Variants in TRHDE observed in about 807,000 individuals in gnomAD.
TRHDE encodes thyrotropin releasing hormone degrading enzyme.
In TRHDE, 72 loss-of-function variants were observed where a neutral mutation model predicts 125.7. That is an observed-to-expected ratio of 0.57 (90% CI 0.47 to 0.70). The LOEUF (loss-of-function observed/expected upper bound fraction) is 0.70, where lower values mean the gene tolerates loss of function less well. TRHDE is among the 30% of genes least tolerant of loss of function. TRHDE has a pLI of 0.00. For missense variants in TRHDE, 1,110 were observed against 1,327.1 expected, an observed-to-expected ratio of 0.84 and a Z score of 2.54; for synonymous variants, 509 against 509.1, an observed-to-expected ratio of 1.00 and a Z score of 0.00.
chr12:72,139,650 G>C (rs1284829778), intron 2 of TRHDE, among the ~76,000 whole-genome samples: 1 of 152,158 alleles, frequency 6.6e-6, no homozygotes. Context: ...TCTGTACTTT[G>C]CGCCAAGTAA....
chr12:72,568,498 T>C, intron 9 of TRHDE, 70 bp from the exon 10 acceptor site: 3 of 1,109,308 alleles, frequency 2.7e-6, no homozygotes, highest in Non-Finnish European at 4.0e-6. Context: ...AGAAGGCGCA[T>C]GGGAAATGTT....
intron 13 of TRHDE, among the ~76,000 whole-genome samples, chr12:72,620,170 A>G (rs1215898019): frequency 6.6e-6 from 1 of 151,948 alleles, no homozygotes; most frequent in Non-Finnish European, 1.5e-5. Flanking sequence ...ATATTTTTGA[A>G]TATATTTGTA....
chr12:72,097,624 AT>A (rs1225872742), intron 1 of TRHDE, among the ~76,000 whole-genome samples: 2 of 151,460 alleles, frequency 1.3e-5, no homozygotes, highest in African/African-American at 4.9e-5. Context: ...TAATGTTTTG[AT>A]TTTTTTGTAG....
At chr12:72,216,486 A>T (rs1877894491) in intron 2 of TRHDE, among the ~76,000 whole-genome samples, 1 of 152,192 alleles carries the variant, frequency 6.6e-6, no homozygotes, top group Non-Finnish European at 1.5e-5. Flanking sequence ...TGCCTTCATT[A>T]GGGGCCTCTT....
chr12:72,649,319 G>A (rs1163206568), intron 15 of TRHDE, among the ~76,000 whole-genome samples: 1 of 151,800 alleles, frequency 6.6e-6, no homozygotes, highest in African/African-American at 2.4e-5. Context: ...TCAACAAATT[G>A]TGCTGGGAAA....
chr12:72,332,150 T>G (rs1034823675), intron 2 of TRHDE, among the ~76,000 whole-genome samples: 1 of 151,952 alleles, frequency 6.6e-6, no homozygotes, highest in African/African-American at 2.4e-5. Context: ...CAAACTCTTT[T>G]TTTTTTGAGA....
intron 2 of TRHDE, among the ~76,000 whole-genome samples, chr12:72,249,507 T>A (rs1462473622): frequency 6.6e-6 from 1 of 152,084 alleles, no homozygotes. Context: ...GGAAATATAG[T>A]GAGAACTCTC....
At chr12:72,190,886 C>G (rs1270880486) in intron 2 of TRHDE, among the ~76,000 whole-genome samples, 1 of 152,132 alleles carries the variant, frequency 6.6e-6, no homozygotes, top group Non-Finnish European at 1.5e-5. Context: ...ATTTGGAAGC[C>G]ACCTTAATGG....
At chr12:72,512,657 A>G (rs1878659328) in intron 6 of TRHDE, among the ~76,000 whole-genome samples, 1 of 144,198 alleles carries the variant, frequency 6.9e-6, no homozygotes, top group South Asian at 2.1e-4. Flanking sequence ...CATATATAAT[A>G]TATAATATAA....
intron 2 of TRHDE, among the ~76,000 whole-genome samples, chr12:72,374,194 G>T (rs1305178308): frequency 1.3e-5 from 2 of 151,858 alleles, no homozygotes; most frequent in African/African-American, 4.8e-5. Context: ...GAGAAAGAGG[G>T]GAAACAAGGA....
chr12:72,332,149 T>G (rs994527738), intron 2 of TRHDE, among the ~76,000 whole-genome samples: 1 of 151,814 alleles, frequency 6.6e-6, no homozygotes, highest in Non-Finnish European at 1.5e-5. Context: ...CCAAACTCTT[T>G]TTTTTTTGAG....
intron 3 of TRHDE, among the ~76,000 whole-genome samples, chr12:72,452,804 T>G (rs1875644836): frequency 6.6e-6 from 1 of 152,024 alleles, no homozygotes; most frequent in African/African-American, 2.4e-5. Flanking sequence ...ACTCTCTTGC[T>G]CCTGCTCTGG....
chr12:72,621,151 G>T lies in TRHDE; in HGVS notation c.2513G>T (p.Gly838Val). The T allele has an allele frequency of 6.2e-7, 1 of 1,612,082 alleles. No homozygotes were observed. The highest frequency in any genetic ancestry group is 1.1e-5 in the South Asian group (1 of 91,018). The change falls in exon 14 of 19, where the codon GGG (glycine) becomes GTG (valine). Residue 838 changes from glycine (G) to valine (V), a missense_variant. By Grantham distance (109) the Gly-to-Val change is moderately radical. Coordinates refer to ENST00000261180, the MANE Select transcript of TRHDE (RefSeq NM_013381.3). ...GTTGCAACAACATATATCAAGCTTG[G>T]GTGGCCGAAAAATAATTTTAATGGA... ...KQVATTYIKL[G>V]WPKNNFNGSL... is the part of the protein sequence containing the mutation.
intron 3 of TRHDE, among the ~76,000 whole-genome samples, chr12:72,428,708 A>G (rs1220042661): frequency 6.6e-6 from 1 of 152,142 alleles, no homozygotes; most frequent in Admixed American, 6.6e-5. Flanking sequence ...AGTCATCGCC[A>G]GCAGAATTTC....
intron 2 of TRHDE, among the ~76,000 whole-genome samples, chr12:72,113,078 T>C (rs1034579757): frequency 3.9e-5 from 6 of 152,096 alleles, no homozygotes; most frequent in Non-Finnish European, 4.4e-5. Context: ...AGAGCAGTGG[T>C]GTGATCATGG....
chr12:72,477,253 T>A (rs2135907809), intron 5 of TRHDE, among the ~76,000 whole-genome samples: 1 of 152,304 alleles, frequency 6.6e-6, no homozygotes, highest in East Asian at 1.9e-4. Context: ...TGATTTTTTG[T>A]ATAGATAAGC....
chr12:72,159,454 C>A (rs995899013), intron 2 of TRHDE, among the ~76,000 whole-genome samples: 21 of 152,182 alleles, frequency 1.4e-4, no homozygotes, highest in African/African-American at 4.6e-4. Flanking sequence ...AAGGCAATGG[C>A]AGAACTTCAC....
chr12:72,297,885 AC>A (rs1005379085), intron 2 of TRHDE, among the ~76,000 whole-genome samples: 1 of 152,184 alleles, frequency 6.6e-6, no homozygotes, highest in Non-Finnish European at 1.5e-5. Flanking sequence ...GGACATGTTA[AC>A]AACAGAACAG....
At chr12:72,295,931 G>T (rs1484385597) in intron 2 of TRHDE, among the ~76,000 whole-genome samples, 3 of 152,156 alleles carry the variant, frequency 2.0e-5, no homozygotes, top group Non-Finnish European at 2.9e-5. Flanking sequence ...ATCTATTTAG[G>T]AATGTAAGTA....
Sources: gnomAD v4.1 joint callset for allele counts (sites outside exome capture counted in the v4.1 genomes callset) on GRCh38, gnomAD v4.1.1 for gene constraint, MANE v1.5 for transcripts, NCBI Gene and HGNC (gene_info 2026-07-23, HGNC 2026-07-21) for gene names.